The following TACC2 variants were observed in gnomAD, a reference collection of about 807,000 sequenced individuals.
TACC2 encodes the protein transforming acidic coiled-coil-containing protein 2.
TACC2 carries 137 observed loss-of-function variants against 227.3 expected under a neutral mutation model. That is an observed-to-expected ratio of 0.60 (90% CI 0.52 to 0.69). The LOEUF (loss-of-function observed/expected upper bound fraction) is 0.69. Ranked by LOEUF, TACC2 falls within the 30% of genes least tolerant of loss-of-function variation. The pLI, the probability that TACC2 is intolerant of heterozygous loss-of-function variation, is 0.00. For missense variants in TACC2, 3,470 were observed against 3,694.4 expected (o/e 0.94, Z 1.57); for synonymous variants, 1,523 against 1,487.5 (o/e 1.02, Z -0.55).
chr10:122,147,787 G>A (rs897498161), intron 7 of TACC2, among the ~76,000 whole-genome samples: 1 of 152,152 alleles, frequency 6.6e-6, no homozygotes, highest in African/African-American at 2.4e-5. Context: ...ACAGTGATAC[G>A]ATCGGATCTG....
intron 7 of TACC2, among the ~76,000 whole-genome samples, chr10:122,162,827 A>G (rs368744859): frequency 3.9e-4 from 59 of 152,190 alleles, no homozygotes; most frequent in African/African-American, 1.4e-3. Flanking sequence ...GAGCCGATGC[A>G]TGTCACGGAG....
chr10:122,152,987 A>C (rs1314037169), intron 7 of TACC2, among the ~76,000 whole-genome samples: 2 of 58,206 alleles, frequency 3.4e-5, no homozygotes, highest in Non-Finnish European at 9.6e-5. Context: ...TTTGATATAT[A>C]TTTCTTTCTT....
At chr10:122,088,338 G>T in intron 4 of TACC2, 140 bp from the exon 5 acceptor site, 1 of 730,632 alleles carries the variant, frequency 1.4e-6, no homozygotes, top group South Asian at 2.0e-5. Flanking sequence ...TTAGTCAGGG[G>T]GCCCTTTTTC....
At chr10:122,170,948 T>G (rs938679956) in intron 7 of TACC2, among the ~76,000 whole-genome samples, 2 of 151,972 alleles carry the variant, frequency 1.3e-5, no homozygotes, top group Admixed American at 6.6e-5. Context: ...CCAAGGAAGT[T>G]GCTGGCTGGG....
chr10:122,056,333 C>G, intron 3 of TACC2, among the ~76,000 whole-genome samples: 1 of 152,186 alleles, frequency 6.6e-6, no homozygotes, highest in Non-Finnish European at 1.5e-5. Context: ...TGCCACCATG[C>G]CCGGCTAATT....
chr10:122,008,270 T>TATTA (rs1565054223), intron 1 of TACC2, among the ~76,000 whole-genome samples: 67 of 28,274 alleles, frequency 2.4e-3, no homozygotes, highest in Middle Eastern at 0.029. Context: ...TATTATTTTT[T>TATTA]TTTTTTGAGA....
intron 7 of TACC2, among the ~76,000 whole-genome samples, chr10:122,147,211 C>T (rs1003461928): frequency 6.6e-6 from 1 of 152,010 alleles, no homozygotes; most frequent in Non-Finnish European, 1.5e-5. Context: ...GTGGTGCCAT[C>T]TCCACTCACT....
intron 5 of TACC2, among the ~76,000 whole-genome samples, chr10:122,105,944 C>CTCTGTGTG (rs370608973): frequency 1.4e-5 from 2 of 145,166 alleles, no homozygotes; most frequent in Non-Finnish European, 3.0e-5. Flanking sequence ...TTTTCTCTCT[C>CTCTGTGTG]TGTGTGTGTG....
chr10:122,155,497 C>T (rs1362132628), intron 7 of TACC2, among the ~76,000 whole-genome samples: 2 of 152,138 alleles, frequency 1.3e-5, no homozygotes, highest in Non-Finnish European at 2.9e-5. Flanking sequence ...AAATAGTTTC[C>T]GGAGAAGAAA....
At chr10:122,098,482 T>G (rs572012590) in intron 5 of TACC2, among the ~76,000 whole-genome samples, 6 of 152,312 alleles carry the variant, frequency 3.9e-5, no homozygotes, top group African/African-American at 1.4e-4. Context: ...GGCAGGTGGC[T>G]GCGTCTAACT....
rs369866874 is a variant in TACC2 at position 122,082,656 on chromosome 10, C to T, written c.156C>T (p.Ser52=). The change falls in exon 4 of 23, where the codon AGC becomes AGT. Residue 52 remains serine, a synonymous_variant. Coordinates refer to ENST00000369005, the MANE Select transcript of TACC2 (RefSeq NM_206862.4). ...CATTAAATATTTTCAGCATTGGCAGCGTTGGGCTTGGAGGCTTCTGCACCG... is the reference window on the plus strand; with the variant it reads ...CATTAAATATTTTCAGCATTGGCAGTGTTGGGCTTGGAGGCTTCTGCACCG... ...PDHRDASSIG[S]VGLGGFCTAS... 1.1e-5 allele frequency: 17 copies of T among 1,606,458 alleles called. 1 individual carries two copies. Among genetic ancestry groups the T allele is most frequent in the South Asian group, 8.8e-5 (8 of 90,588 alleles).
chr10:122,025,487 T>C (rs1957871380), intron 2 of TACC2, among the ~76,000 whole-genome samples: 1 of 152,098 alleles, frequency 6.6e-6, no homozygotes, highest in South Asian at 2.1e-4. Context: ...GGTCTTGAAC[T>C]CCTGACCTCG....
Position 122,249,071 on chromosome 10 carries a change from T to C in TACC2, c.8575T>C (p.Cys2859Arg). Residue 2859 changes from cysteine to arginine, a missense_variant, in exon 21 of 23, where the codon TGT (cysteine) becomes CGT (arginine). Physicochemically the swap from Cys to Arg is radical, Grantham distance 180. Around this residue, in one of 10 missense-constraint regions of TACC2, gnomAD observed 89 missense variants for 91.4 expected, o/e 0.97. Coordinates refer to ENST00000369005, the MANE Select transcript of TACC2 (RefSeq NM_206862.4). Reference sequence around the variant, plus strand: ...TCAGAATGAAGAGGTGTTGAAGAGATGTGCGCAGGAGTACCTGTCCCGGGT... The same window carrying C: ...TCAGAATGAAGAGGTGTTGAAGAGACGTGCGCAGGAGTACCTGTCCCGGGT... The part of the protein sequence containing the change: ...FRKNEEVLKR[C>R]AQEYLSRVKK... 6.2e-7 allele frequency: 1 copy of C among 1,613,270 alleles called. No homozygotes were observed. The highest frequency in any genetic ancestry group is 8.5e-7 in the Non-Finnish European group (1 of 1,179,882).
intron 14 of TACC2, among the ~76,000 whole-genome samples, chr10:122,228,449 G>T (rs940827356): frequency 6.6e-6 from 1 of 152,042 alleles, no homozygotes; most frequent in African/African-American, 2.4e-5. Context: ...AGCCCTGTGG[G>T]GTCTTGCAGA....
Position 122,254,190 on chromosome 10 carries a change from AT to A in TACC2, c.*136del. ...CTACTGTATTTCCTTTCTAAATAAA[AT>A]TGATTTGATTGTATGCAGTACTAAG... On this transcript the variant is annotated 3_prime_UTR_variant, in exon 23 of 23. Coordinates refer to ENST00000369005, the MANE Select transcript of TACC2 (RefSeq NM_206862.4). 1 of 774,442 alleles carries A rather than the reference AT, an allele frequency of 1.3e-6. No individual in the cohort carries two copies. The highest frequency in any genetic ancestry group is 2.3e-6 in the Non-Finnish European group (1 of 432,742). 48.0% of individuals were successfully genotyped at this position (774,442 alleles called of 1,614,324 possible). A position where few individuals can be genotyped will look rare whatever the true frequency, so the allele number is the denominator to read the frequency against.
chr10:122,086,826 C>T lies in TACC2; in HGVS notation c.4326C>T (p.Leu1442=), dbSNP rs1301305433. The part of the protein sequence containing the change: ...GAGRSAVGKD[L]TRPLGPEKLL... ...GGAGGAGTGCAGTGGGTAAAGACCT[C>T]ACCAGGCCATTGGGCCCAGAGAAGC... is the stretch of plus-strand genomic sequence containing the variant. Residue 1442 remains leucine, a synonymous_variant, in exon 4 of 23, where the codon CTC becomes CTT. Coordinates refer to ENST00000369005, the MANE Select transcript of TACC2 (RefSeq NM_206862.4). 1.2e-6 allele frequency: 2 copies of T among 1,613,818 alleles called. No individual in the cohort carries two copies. Among genetic ancestry groups the T allele is most frequent in the Non-Finnish European group, 8.5e-7 (1 of 1,180,000 alleles).
intron 3 of TACC2, chr10:122,051,850 A>T (rs2136222775): frequency 7.0e-6 from 1 of 143,520 alleles, no homozygotes; most frequent in South Asian, 2.2e-4. Context: ...TGGGGCATGG[A>T]AGTGGGTGGC....
Position 122,208,954 on chromosome 10 carries a change from T to TG in TACC2, c.5972-1442dup, listed in dbSNP as rs2095218023. On this transcript the variant is annotated intron_variant, in intron 8 of 22. Coordinates refer to ENST00000369005, the MANE Select transcript of TACC2 (RefSeq NM_206862.4). ...TGTGACCTCAGAAATGCATGAAAGA[T>TG]GCCGCTGGGTGCCAGCAGAACCTAG... 2.0e-5 allele frequency among the ~76,000 whole-genome samples: 3 copies of TG among 152,248 alleles called. No individual in the cohort carries two copies. The South Asian group carries it at 6.2e-4, about 31-fold the overall frequency.
chr10:121,998,599 G>A (rs1218150558), intron 1 of TACC2, among the ~76,000 whole-genome samples: 3 of 152,166 alleles, frequency 2.0e-5, no homozygotes, highest in Admixed American at 1.3e-4. Flanking sequence ...TCGACACAGT[G>A]GAGAGAGTGG....
Sources: gnomAD v4.1 joint callset for allele counts (sites outside exome capture counted in the v4.1 genomes callset) on GRCh38, gnomAD v4.1.1 for gene constraint, gnomAD v4.1.1 regional missense constraint, MANE v1.5 for transcripts, NCBI Gene and HGNC (gene_info 2026-07-23, HGNC 2026-07-21) for gene names.